The following MAST4 variants were observed in gnomAD, a reference collection of about 807,000 sequenced individuals.
MAST4 encodes the protein microtubule-associated serine/threonine-protein kinase 4.
MAST4 carries 89 observed loss-of-function variants against 162.7 expected under a neutral mutation model. The observed-to-expected ratio is 0.55, with a 90% confidence interval of 0.46 to 0.65. The LOEUF is 0.65. Ranked by LOEUF, MAST4 falls within the 30% of genes least tolerant of loss-of-function variation. The pLI is 0.00. For synonymous variants in MAST4, 1,479 were observed against 1,361.1 expected, an observed-to-expected ratio of 1.09 and a Z score of -1.91; for missense variants, 3,153 against 3,374.0, an observed-to-expected ratio of 0.93 and a Z score of 1.62.
intron 5 of MAST4, among the ~76,000 whole-genome samples, chr5:67,087,534 G>A (rs1763375874): frequency 6.6e-6 from 1 of 152,136 alleles, no homozygotes; most frequent in African/African-American, 2.4e-5. Flanking sequence ...TTGCCCTACT[G>A]TGTTTGGGTT....
intron 2 of MAST4, among the ~76,000 whole-genome samples, chr5:66,779,164 A>G (rs1293523671): frequency 6.6e-6 from 1 of 152,208 alleles, no homozygotes; most frequent in Non-Finnish European, 1.5e-5. Context: ...AGTCTTGTGG[A>G]AACATAGTTT....
At chr5:66,820,807 G>A (rs1288751898) in intron 3 of MAST4, among the ~76,000 whole-genome samples, 1 of 152,018 alleles carries the variant, frequency 6.6e-6, no homozygotes, top group Non-Finnish European at 1.5e-5. Context: ...TTTCCTCCTA[G>A]GATGTAATTT....
At chr5:67,078,892 A>ATT in intron 5 of MAST4, among the ~76,000 whole-genome samples, 3 of 85,710 alleles carry the variant, frequency 3.5e-5, no homozygotes, top group African/African-American at 1.6e-4. Flanking sequence ...ATATTTATAT[A>ATT]TTTATATATT....
intron 1 of MAST4, among the ~76,000 whole-genome samples, chr5:66,752,187 A>G (rs1753221394): frequency 6.6e-6 from 1 of 152,234 alleles, no homozygotes; most frequent in East Asian, 1.9e-4. Flanking sequence ...CTGCTGCAAA[A>G]TCATGGCAAA....
chr5:66,614,526 C>G (rs1007562834), intron 1 of MAST4, among the ~76,000 whole-genome samples: 1 of 152,056 alleles, frequency 6.6e-6, no homozygotes, highest in Non-Finnish European at 1.5e-5. Context: ...CTCTAGAATT[C>G]GTTGAGTCTT....
At chr5:66,811,348 T>C (rs1756466445) in intron 3 of MAST4, among the ~76,000 whole-genome samples, 1 of 152,240 alleles carries the variant, frequency 6.6e-6, no homozygotes. Flanking sequence ...AATGACACCA[T>C]TTTTGGGTAG....
At chr5:67,115,242 C>T (rs565710552) in intron 12 of MAST4, among the ~76,000 whole-genome samples, 1 of 152,142 alleles carries the variant, frequency 6.6e-6, no homozygotes, top group African/African-American at 2.4e-5. Context: ...ATATACTCCC[C>T]AAAAAGACTC....
At chr5:66,840,828 C>A (rs2149787011) in intron 3 of MAST4, among the ~76,000 whole-genome samples, 1 of 152,240 alleles carries the variant, frequency 6.6e-6, no homozygotes, top group African/African-American at 2.4e-5. Flanking sequence ...GACCAACAGA[C>A]CCACATTCTC....
At chr5:66,894,191 A>C (rs142833348) in intron 3 of MAST4, among the ~76,000 whole-genome samples, 2 of 152,258 alleles carry the variant, frequency 1.3e-5, no homozygotes, top group Non-Finnish European at 2.9e-5. Flanking sequence ...TATGCAAACC[A>C]ATAGTCCTTA....
intron 1 of MAST4, among the ~76,000 whole-genome samples, chr5:66,718,552 G>C (rs1751002211): frequency 6.6e-6 from 1 of 152,130 alleles, no homozygotes; most frequent in Admixed American, 6.5e-5. Flanking sequence ...AGCCTTTTCA[G>C]AGAAAGGGCC....
intron 1 of MAST4, among the ~76,000 whole-genome samples, chr5:66,741,337 G>A (rs1330448662): frequency 6.6e-6 from 1 of 152,154 alleles, no homozygotes; most frequent in African/African-American, 2.4e-5. Flanking sequence ...ACTGCTGTCT[G>A]CACAGTGGCC....
At chr5:67,059,420 G>C (rs1759282974) in intron 5 of MAST4, among the ~76,000 whole-genome samples, 1 of 152,136 alleles carries the variant, frequency 6.6e-6, no homozygotes, top group Admixed American at 6.5e-5. Flanking sequence ...TGAATAACTA[G>C]GGGACTGGAA....
chr5:66,665,403 A>G (rs1328850256), intron 1 of MAST4, among the ~76,000 whole-genome samples: 4 of 152,212 alleles, frequency 2.6e-5, no homozygotes, highest in Admixed American at 2.6e-4. Flanking sequence ...CCATCTCCAA[A>G]TCCCTATTTG....
intron 5 of MAST4, among the ~76,000 whole-genome samples, chr5:67,068,905 C>T (rs1025333522): frequency 6.6e-6 from 1 of 151,972 alleles, no homozygotes; most frequent in Admixed American, 6.6e-5. Context: ...AGACGGCACC[C>T]ACCTGAGAAA....
At chr5:66,675,464 G>A (rs75917986) in intron 1 of MAST4, among the ~76,000 whole-genome samples, 2,305 of 152,254 alleles carry the variant, frequency 0.015, 65 homozygotes, top group African/African-American at 0.052. Context: ...GGAAATGGTT[G>A]TGCTGAATTT....
At chr5:66,986,538 C>T (rs1462596435) in intron 4 of MAST4, 1 of 1,457,458 alleles carries the variant, frequency 6.9e-7, no homozygotes, top group African/African-American at 1.4e-5. Flanking sequence ...GTTTCCTTTC[C>T]AGTACTTTCT....
intron 10 of MAST4, 100 bp from the exon 11 acceptor site, chr5:67,109,998 T>C (rs1258349176): frequency 2.5e-6 from 2 of 806,308 alleles, no homozygotes. Context: ...TACTCGATTT[T>C]TGAACATTTG....
intron 4 of MAST4, among the ~76,000 whole-genome samples, chr5:67,028,447 C>G (rs1754935880): frequency 6.6e-6 from 1 of 152,038 alleles, no homozygotes; most frequent in Non-Finnish European, 1.5e-5. Context: ...AGGGATTGAA[C>G]TGGAGTTGTG....
intron 4 of MAST4, among the ~76,000 whole-genome samples, chr5:66,954,987 G>GTC (rs111815426): frequency 0.066 from 9,981 of 151,498 alleles, 1,031 homozygotes; most frequent in African/African-American, 0.23. Flanking sequence ...GATCACTTGA[G>GTC]TCCAGGAGTT....
Sources: gnomAD v4.1 joint callset for allele counts (sites outside exome capture counted in the v4.1 genomes callset) on GRCh38, gnomAD v4.1.1 for gene constraint, MANE v1.5 for transcripts, NCBI Gene and HGNC (gene_info 2026-07-23, HGNC 2026-07-21) for gene names.